The following MME variants were observed in gnomAD, a reference collection of about 807,000 sequenced individuals.
The protein encoded by MME is neprilysin.
Under a neutral mutation model 113.2 loss-of-function variants are expected in MME, and 98 were observed. The observed-to-expected ratio is 0.87, with a 90% CI of 0.74 to 1.02. The LOEUF (loss-of-function observed/expected upper bound fraction) is 1.02. MME is among the 50% of genes least tolerant of loss of function. The pLI is 0.00. For synonymous variants in MME, 292 were observed against 300.6 expected (o/e 0.97, Z 0.30); for missense variants, 836 against 896.0 (o/e 0.93, Z 0.86).
intron 20 of MME, among the ~76,000 whole-genome samples, chr3:155,169,437 A>C (rs1467278943): frequency 5.3e-5 from 8 of 152,192 alleles, no homozygotes. Flanking sequence ...GTTTGGCAGT[A>C]TTCAAAGAGC....
At chr3:155,158,901 C>T (rs1345103427) in intron 16 of MME, 1 of 151,936 alleles carries the variant, frequency 6.6e-6, no homozygotes, top group African/African-American at 2.4e-5. Flanking sequence ...AATGCTTTCT[C>T]GATTTAAAAC....
intron 1 of MME, among the ~76,000 whole-genome samples, chr3:155,044,279 C>G (rs1394049634): frequency 6.6e-6 from 1 of 150,646 alleles, no homozygotes; most frequent in East Asian, 2.0e-4. Flanking sequence ...ATTACAGGTG[C>G]ACGCCAGGAC....
rs2108366561 is a variant in MME, at chr3:155,168,605, G to A, written c.1894G>A (p.Asp632Asn). The change falls in exon 19 of 23, where the codon GAC (aspartate) becomes AAC (asparagine). Residue 632 changes from aspartate to asparagine, a missense_variant. By Grantham distance (23) the Asp-to-Asn change is conservative. Coordinates refer to ENST00000360490, the MANE Select transcript of MME (RefSeq NM_007289.4). ...GTATCAGTATGGAAACTTTTCCTGG[G>A]ACCTGGCAGGTGGACAGCACGTATG... is the stretch of plus-strand genomic sequence containing the variant. ...MVYQYGNFSW[D>N]LAGGQHLNGI... 1 of 1,613,860 alleles carries A rather than the reference G, an allele frequency of 6.2e-7. No individual in the cohort carries two copies.
chr3:155,179,886 A>G (rs1712912809), intron 22 of MME, among the ~76,000 whole-genome samples: 3 of 152,222 alleles, frequency 2.0e-5, no homozygotes, highest in Admixed American at 2.0e-4. Flanking sequence ...ATCTATTTAA[A>G]GTCTATTATA....
intron 8 of MME, among the ~76,000 whole-genome samples, chr3:155,133,349 G>A (rs1253351043): frequency 2.0e-5 from 3 of 151,084 alleles, no homozygotes; most frequent in Non-Finnish European, 4.4e-5. Flanking sequence ...ATTCCATGTA[G>A]CTATATTAAA....
In MME at chr3:155,166,942, C is replaced by A. The variant is rs1451226996; in HGVS notation, c.1701C>A (p.Ala567=). Residue 567 remains alanine, a synonymous_variant, in exon 18 of 23, where the codon GCC becomes GCA. Transcript: ENST00000360490. ...TTCTGCAGCCCCCCTTCTTTAGTGC[C>A]CAGCAGTCCAACTCATTGAACTATG... ...AGILQPPFFS[A]QQSNSLNYGG... 6.2e-7 allele frequency: 1 copy of A among 1,613,568 alleles called. No homozygotes were observed. Among genetic ancestry groups the A allele is most frequent in the Admixed American group, 1.7e-5 (1 of 59,958 alleles).
chr3:155,069,546 C>G (rs925240306), intron 1 of MME, among the ~76,000 whole-genome samples: 1 of 152,132 alleles, frequency 6.6e-6, no homozygotes, highest in South Asian at 2.1e-4. Context: ...GGCCCTTTTT[C>G]TTTGAGACAC....
intron 3 of MME, among the ~76,000 whole-genome samples, chr3:155,087,087 T>G (rs1001132677): frequency 5.3e-5 from 8 of 151,522 alleles, no homozygotes; most frequent in African/African-American, 1.9e-4. Context: ...GTCCTCCTAC[T>G]TGTCTTCCCA....
intron 1 of MME, among the ~76,000 whole-genome samples, chr3:155,033,355 A>G (rs1285736466): frequency 6.6e-6 from 1 of 152,214 alleles, no homozygotes; most frequent in Non-Finnish European, 1.5e-5. Flanking sequence ...TAGAATAGAC[A>G]ATATTGCCCA....
At chr3:155,163,304 TACTC>T (rs1722846779) in intron 17 of MME, among the ~76,000 whole-genome samples, 1 of 152,202 alleles carries the variant, frequency 6.6e-6, no homozygotes, top group Non-Finnish European at 1.5e-5. Context: ...TATAGAGACT[TACTC>T]ATATCAATAA....
At chr3:155,147,289 G>C (rs1342634890) in intron 15 of MME, 65 bp downstream of exon 15, 1 of 990,692 alleles carries the variant, frequency 1.0e-6, no homozygotes, top group African/African-American at 1.6e-5. Context: ...GTCATTTTTA[G>C]CTATGGGGTG....
intron 3 of MME, among the ~76,000 whole-genome samples, chr3:155,101,666 G>A (rs986232059): frequency 9.9e-5 from 15 of 152,150 alleles, no homozygotes; most frequent in Non-Finnish European, 8.8e-5. Context: ...AGACCACGGA[G>A]AACTGAAGTT....
chr3:155,143,655 C>A, intron 13 of MME, 84 bp downstream of exon 13: 1 of 1,505,036 alleles, frequency 6.6e-7, no homozygotes, highest in Non-Finnish European at 9.2e-7. Flanking sequence ...AGTTCTCCAT[C>A]ATTTGGCTAA....
At chr3:155,057,566 C>T (rs1006131717) in intron 1 of MME, among the ~76,000 whole-genome samples, 1 of 151,958 alleles carries the variant, frequency 6.6e-6, no homozygotes, top group African/African-American at 2.4e-5. Context: ...CTCAGCTTGT[C>T]CCACTGTAGT....
At chr3:155,030,932 G>A (rs1712949263) in intron 1 of MME, among the ~76,000 whole-genome samples, 1 of 152,164 alleles carries the variant, frequency 6.6e-6, no homozygotes, top group Non-Finnish European at 1.5e-5. Flanking sequence ...AAGATCAAGA[G>A]TCATATGAAT....
intron 1 of MME, among the ~76,000 whole-genome samples, chr3:155,045,872 A>G (rs1434358690): frequency 6.6e-6 from 1 of 152,138 alleles, no homozygotes; most frequent in Non-Finnish European, 1.5e-5. Flanking sequence ...ATTTAAAAGT[A>G]TGAGTTTCCC....
At chr3:155,124,756 TGAG>T (rs1401220583) in intron 8 of MME, among the ~76,000 whole-genome samples, 13 of 151,880 alleles carry the variant, frequency 8.6e-5, no homozygotes, top group Non-Finnish European at 1.9e-4. Context: ...GGGACCCACT[TGAG>T]GAGGCAGTCT....
chr3:155,082,891 T>C (rs1342130755), intron 1 of MME, among the ~76,000 whole-genome samples: 1 of 152,166 alleles, frequency 6.6e-6, no homozygotes, highest in Admixed American at 6.5e-5. Flanking sequence ...CCTTAGAGAA[T>C]TGTGTGTGTT....
intron 1 of MME, among the ~76,000 whole-genome samples, chr3:155,033,116 T>A (rs890761723): frequency 6.6e-6 from 1 of 152,204 alleles, no homozygotes; most frequent in African/African-American, 2.4e-5. Context: ...GAGATCTGGT[T>A]TCTGTCTCTT....
Sources: gnomAD v4.1 joint callset for allele counts (sites outside exome capture counted in the v4.1 genomes callset) on GRCh38, gnomAD v4.1.1 for gene constraint, MANE v1.5 for transcripts, NCBI Gene and HGNC (gene_info 2026-07-23, HGNC 2026-07-21) for gene names.